The following MEIS1 variants were observed in gnomAD, a reference collection of about 807,000 sequenced individuals.
MEIS1 encodes Meis homeobox 1, also known as homeobox protein Meis1.
MEIS1 carries 5 observed loss-of-function variants against 50.8 expected under a neutral mutation model. The observed-to-expected ratio is 0.10, with a 90% CI of 0.05 to 0.21. The LOEUF is 0.21. Among genes scored for constraint, MEIS1 ranks in the 10% least tolerant of loss-of-function variants. The pLI, the probability that MEIS1 is intolerant of heterozygous loss-of-function variation, is 1.00. For synonymous variants in MEIS1, 176 were observed against 179.3 expected, an observed-to-expected ratio of 0.98 and a Z score of 0.15; for missense variants, 318 against 517.3, an observed-to-expected ratio of 0.61 and a Z score of 3.74.
intron 4 of MEIS1, chr2:66,440,899 G>A (rs1343812859): frequency 2.1e-6 from 1 of 484,666 alleles, no homozygotes. Flanking sequence ...TTATCTCCCG[G>A]CCTGTCAGCA....
chr2:66,497,560 C>CT (rs1385330370), intron 7 of MEIS1, among the ~76,000 whole-genome samples: 3 of 152,088 alleles, frequency 2.0e-5, no homozygotes, highest in Non-Finnish European at 4.4e-5. Flanking sequence ...AATGATATAA[C>CT]TTTTTTCCTT....
At chr2:66,502,808 T>C (rs1421089417) in intron 7 of MEIS1, among the ~76,000 whole-genome samples, 1 of 152,202 alleles carries the variant, frequency 6.6e-6, no homozygotes, top group African/African-American at 2.4e-5. Context: ...ACTGGCTCTG[T>C]GCACAGGAAT....
At chr2:66,506,475 G>A (rs962461179) in intron 7 of MEIS1, among the ~76,000 whole-genome samples, 1 of 152,158 alleles carries the variant, frequency 6.6e-6, no homozygotes, top group East Asian at 1.9e-4. Flanking sequence ...AGCTGTGAGT[G>A]CCAGTGCGTA....
At chr2:66,482,661 A>G (rs1021305737) in intron 7 of MEIS1, among the ~76,000 whole-genome samples, 2 of 152,214 alleles carry the variant, frequency 1.3e-5, no homozygotes, top group Admixed American at 6.5e-5. Flanking sequence ...TATAGAGGGC[A>G]TTGTGCTAAG....
At chr2:66,473,397 A>AAAAAAAAAAAAAAAATATATATATATAT in intron 7 of MEIS1, among the ~76,000 whole-genome samples, 6 of 107,580 alleles carry the variant, frequency 5.6e-5, no homozygotes, top group African/African-American at 2.9e-4. Context: ...AAAAAAAAAA[A>AAAAAAAAAAAAAAAATATATATATATAT]ATATATATAT....
At chr2:66,538,760 G>A (rs1285936635) in intron 8 of MEIS1, among the ~76,000 whole-genome samples, 4 of 152,116 alleles carry the variant, frequency 2.6e-5, no homozygotes, top group African/African-American at 7.2e-5. Flanking sequence ...AGTAATTGGC[G>A]AAACACACAC....
chr2:66,508,618 C>T (rs1321964560), intron 7 of MEIS1, among the ~76,000 whole-genome samples: 1 of 152,330 alleles, frequency 6.6e-6, no homozygotes, highest in East Asian at 1.9e-4. Context: ...GCCTCTGGCC[C>T]CTCAGTCACT....
At position 66,457,046 on chromosome 2, in the gene MEIS1, T is replaced by C. The variant is rs1672407502; in HGVS notation, c.631-7063T>C. 4.0e-5 allele frequency among the ~76,000 whole-genome samples: 6 copies of C among 151,774 alleles called. No homozygotes were observed. The South Asian group carries it at 1.2e-3, about 32-fold the overall frequency. ...AATGTTTATGGCATTTCAAAACATC[T>C]AAATGCTCAAAAGGTAAGAGCAGTT... On this transcript the variant is annotated intron_variant, in intron 6 of 12. Transcript: ENST00000272369.
intron 7 of MEIS1, among the ~76,000 whole-genome samples, chr2:66,484,842 G>A (rs1056128030): frequency 9.2e-5 from 14 of 152,178 alleles, no homozygotes; most frequent in Non-Finnish European, 1.9e-4. Context: ...TTACAGGCAT[G>A]AGCCACTGCG....
At chr2:66,437,640 C>G (rs1409439096) in intron 1 of MEIS1, 97 bp from the exon 2 acceptor site, 4 of 1,051,024 alleles carry the variant, frequency 3.8e-6, no homozygotes, top group Non-Finnish European at 5.8e-6. Flanking sequence ...GTGGAAGGAC[C>G]CAGCTGTATT....
chr2:66,523,686 G>A (rs1674182562), intron 8 of MEIS1, among the ~76,000 whole-genome samples: 1 of 152,204 alleles, frequency 6.6e-6, no homozygotes, highest in Non-Finnish European at 1.5e-5. Context: ...CTGTAAAGTA[G>A]CATTCAAATG....
intron 8 of MEIS1, among the ~76,000 whole-genome samples, chr2:66,542,094 A>G (rs983489508): frequency 2.8e-4 from 42 of 152,236 alleles, no homozygotes; most frequent in African/African-American, 9.2e-4. Flanking sequence ...GAGAAGTTTT[A>G]TAGGCAAAAA....
chr2:66,474,239 C>T (rs1255192139), intron 7 of MEIS1, among the ~76,000 whole-genome samples: 1 of 152,130 alleles, frequency 6.6e-6, no homozygotes, highest in Non-Finnish European at 1.5e-5. Flanking sequence ...CTCTGCCCCG[C>T]AGTGAGCATC....
intron 9 of MEIS1, among the ~76,000 whole-genome samples, chr2:66,561,619 G>T (rs957081877): frequency 6.6e-6 from 1 of 152,210 alleles, no homozygotes; most frequent in African/African-American, 2.4e-5. Flanking sequence ...ATTATAATCA[G>T]CACTTCCCTT....
intron 7 of MEIS1, among the ~76,000 whole-genome samples, chr2:66,479,689 G>A (rs1027934059): frequency 6.6e-6 from 1 of 152,144 alleles, no homozygotes; most frequent in Non-Finnish European, 1.5e-5. Context: ...AGCAAAGAAA[G>A]AAAATTGATC....
chr2:66,554,773 GA>G (rs1032491305), intron 9 of MEIS1, among the ~76,000 whole-genome samples: 1 of 151,596 alleles, frequency 6.6e-6, no homozygotes, highest in African/African-American at 2.4e-5. Context: ...AGTGGGGAAG[GA>G]AAAAAAATAC....
chr2:66,570,428 T>C (rs934137140), intron 12 of MEIS1: 1 of 152,184 alleles, frequency 6.6e-6, no homozygotes, highest in African/African-American at 2.4e-5. Flanking sequence ...TTTTCATTAG[T>C]TCAAAAATGT....
intron 9 of MEIS1, among the ~76,000 whole-genome samples, chr2:66,557,491 A>G (rs987826422): frequency 3.9e-5 from 6 of 152,174 alleles, no homozygotes; most frequent in Admixed American, 3.9e-4. Context: ...CTGTCTCTAT[A>G]TTTGCCTATT....
In MEIS1 at chr2:66,549,578, C is replaced by T. The variant is rs141179647; in HGVS notation, c.965+1559C>T. On this transcript the variant is annotated intron_variant, in intron 9 of 12. Transcript: ENST00000272369. ...ATTATAGGGGAGACCATCAATTTTG[C>T]GTGCACATCTAGATTCATATATCTG... is the stretch of plus-strand genomic sequence containing the variant. Among the ~76,000 whole-genome samples the T allele has an allele frequency of 2.4e-3, 361 of 152,028 alleles. 1 individual carries two copies. The highest frequency in any genetic ancestry group is 3.2e-3 in the Non-Finnish European group (220 of 67,984).
Sources: gnomAD v4.1 joint callset for allele counts (sites outside exome capture counted in the v4.1 genomes callset) on GRCh38, gnomAD v4.1.1 for gene constraint, MANE v1.5 for transcripts, NCBI Gene and HGNC (gene_info 2026-07-23, HGNC 2026-07-21) for gene names.